NTM: variants seen among roughly 807,000 people sequenced by gnomAD.
NTM encodes IgLON family member 2.
Under a neutral mutation model 42.1 loss-of-function variants are expected in NTM, and 13 were observed. That is an observed-to-expected ratio of 0.31 (90% CI 0.20 to 0.49). The LOEUF (loss-of-function observed/expected upper bound fraction) is 0.49. Among genes scored for constraint, NTM ranks in the 20% least tolerant of loss-of-function variants. NTM has a pLI of 0.99. For missense variants in NTM, 373 were observed against 452.8 expected (o/e 0.82, Z 1.60); for synonymous variants, 187 against 179.2 (o/e 1.04, Z -0.35).
intron 1 of NTM, among the ~76,000 whole-genome samples, chr11:131,371,823 T>C (rs1160600175): frequency 1.3e-5 from 2 of 152,176 alleles, no homozygotes; most frequent in Admixed American, 6.5e-5. Flanking sequence ...TCTTTTATAT[T>C]AAACACAGCT....
rs563127008 is a variant in NTM at position 131,701,054 on chromosome 11, C to T, written c.83-210510C>T. ...CATGTAATATGTTTAGGACAGTGCT[C>T]GGGAAAAAGTAATAAAATATTTCTT... On this transcript the variant is annotated intron_variant, in intron 1 of 8. Coordinates refer to ENST00000683400, the MANE Select transcript of NTM (RefSeq NM_001352005.2). 5.3e-5 allele frequency among the ~76,000 whole-genome samples: 8 copies of T among 152,234 alleles called. No homozygotes were observed. In the East Asian group the frequency reaches 1.2e-3, roughly 22 times the overall value.
chr11:131,540,355 TGG>T (rs1361936745), intron 1 of NTM, among the ~76,000 whole-genome samples: 2 of 151,782 alleles, frequency 1.3e-5, no homozygotes, highest in African/African-American at 4.8e-5. Flanking sequence ...TTAGTAGAGA[TGG>T]GGTTTCACCG....
chr11:131,543,875 CTAAT>C (rs1043031205), intron 1 of NTM, among the ~76,000 whole-genome samples: 4 of 152,262 alleles, frequency 2.6e-5, no homozygotes, highest in African/African-American at 9.6e-5. Flanking sequence ...TTTGCTCATT[CTAAT>C]TAATAACAGT....
chr11:132,328,670 G>T (rs1316049428), intron 7 of NTM, among the ~76,000 whole-genome samples: 2 of 152,106 alleles, frequency 1.3e-5, no homozygotes, highest in Admixed American at 6.5e-5. Context: ...CTTGTGGTTT[G>T]GGGGTAAAAG....
At chr11:131,739,640 T>C (rs1027892387) in intron 1 of NTM, among the ~76,000 whole-genome samples, 5 of 152,170 alleles carry the variant, frequency 3.3e-5, no homozygotes, top group Non-Finnish European at 5.9e-5. Flanking sequence ...TTGTCAGCCA[T>C]AGAGCAACCT....
At chr11:131,794,950 G>C (rs533065880) in intron 1 of NTM, 1 of 985,158 alleles carries the variant, frequency 1.0e-6, no homozygotes, top group Non-Finnish European at 1.2e-6. Context: ...ACCTGAACCC[G>C]CATGTCAGTG....
At chr11:132,061,944 G>A (rs1388148243) in intron 2 of NTM, among the ~76,000 whole-genome samples, 3 of 152,294 alleles carry the variant, frequency 2.0e-5, no homozygotes, top group Middle Eastern at 3.4e-3. Context: ...GTGTGTGTGT[G>A]TGGATCAGAT....
At chr11:132,178,545 G>A (rs571455815) in intron 3 of NTM, among the ~76,000 whole-genome samples, 1 of 152,196 alleles carries the variant, frequency 6.6e-6, no homozygotes, top group African/African-American at 2.4e-5. Flanking sequence ...ATTTATTGGG[G>A]AAATGGTGAA....
intron 1 of NTM, among the ~76,000 whole-genome samples, chr11:131,588,487 T>G (rs538112135): frequency 4.6e-5 from 7 of 152,232 alleles, no homozygotes; most frequent in Non-Finnish European, 1.0e-4. Flanking sequence ...CAAATTTGAA[T>G]TAAGGAATGG....
At chr11:131,504,555 C>T (rs2047249760) in intron 1 of NTM, among the ~76,000 whole-genome samples, 3 of 152,144 alleles carry the variant, frequency 2.0e-5, no homozygotes, top group African/African-American at 7.2e-5. Flanking sequence ...GAGTCCATTT[C>T]ACACAGCGCT....
intron 4 of NTM, among the ~76,000 whole-genome samples, chr11:132,251,409 T>C (rs1436550565): frequency 6.6e-6 from 1 of 152,222 alleles, no homozygotes; most frequent in Non-Finnish European, 1.5e-5. Context: ...AAGAAAGATG[T>C]AAACTGTCTC....
chr11:131,883,744 G>A lies in NTM; in HGVS notation c.83-27820G>A, dbSNP rs545042011. Among the ~76,000 whole-genome samples, 33 of 152,244 alleles carry A rather than the reference G, an allele frequency of 2.2e-4. 1 individual carries two copies. The highest frequency in any genetic ancestry group is 2.1e-3 in the South Asian group (10 of 4,824). The stretch of plus-strand genomic sequence containing the variant: ...TGACAAGCCAGCACCAAAACCAGGC[G>A]TGGTTTCCCTACTCCTTCAAAGGCA... On this transcript the variant is annotated intron_variant, in intron 1 of 8. Transcript: ENST00000683400.
At position 131,624,521 on chromosome 11, in the gene NTM, C is replaced by T. The variant is rs80033227; in HGVS notation, c.82+253633C>T. On this transcript the variant is annotated intron_variant, in intron 1 of 8. Coordinates refer to ENST00000683400, the MANE Select transcript of NTM (RefSeq NM_001352005.2). ...TCTTCCCAGTGGCTCCCACCCAGAG[C>T]TCATCCTGCTACAAGTTCTGAGCCA... Among the ~76,000 whole-genome samples, 659 of 152,322 alleles carry T rather than the reference C, an allele frequency of 4.3e-3. 7 individuals are homozygous for T. Among genetic ancestry groups the T allele is most frequent in the African/African-American group, 0.015 (603 of 41,570 alleles).
At chr11:131,610,355 G>A (rs1192284250) in intron 1 of NTM, among the ~76,000 whole-genome samples, 3 of 152,220 alleles carry the variant, frequency 2.0e-5, no homozygotes, top group Admixed American at 6.5e-5. Context: ...AGAAGAGGAA[G>A]AAAGAAACCC....
chr11:131,401,860 A>ATATATATATATATTTT (rs1350900091), intron 1 of NTM, among the ~76,000 whole-genome samples: 1 of 107,706 alleles, frequency 9.3e-6, no homozygotes, highest in African/African-American at 3.3e-5. Flanking sequence ...ATATATATAT[A>ATATATATATATATTTT]TTTTAATTTA....
chr11:132,260,847 G>T (rs2092804982), intron 4 of NTM, among the ~76,000 whole-genome samples: 2 of 152,162 alleles, frequency 1.3e-5, no homozygotes, highest in South Asian at 4.1e-4. Context: ...AACCCATTAA[G>T]TCATGAGCCT....
chr11:132,225,268 T>C (rs550271703), intron 4 of NTM, among the ~76,000 whole-genome samples: 7 of 151,592 alleles, frequency 4.6e-5, no homozygotes, highest in East Asian at 3.9e-4. Flanking sequence ...TAAATAAATA[T>C]GCAACCCAAT....
chr11:131,940,281 G>T (rs918217835), intron 2 of NTM, among the ~76,000 whole-genome samples: 1 of 152,116 alleles, frequency 6.6e-6, no homozygotes, highest in African/African-American at 2.4e-5. Context: ...ACAGTTCCAC[G>T]ACTAAATAAT....
rs1485337603 is a variant in NTM, at chr11:132,003,298, T to C, written c.167+91650T>C. Reference sequence around the variant, plus strand: ...AGGTTATTTGTTGCCCAGGTTGGAGTGCAGTGACGCAATCACAGCTTACTG... The same window carrying C: ...AGGTTATTTGTTGCCCAGGTTGGAGCGCAGTGACGCAATCACAGCTTACTG... On this transcript the variant is annotated intron_variant, in intron 2 of 8. Transcript: ENST00000683400. The surrounding 1 kb of genome is among the most constrained non-coding windows in gnomAD (Gnocchi z 6.0). Among the ~76,000 whole-genome samples the C allele has an allele frequency of 6.6e-6, 1 of 151,366 alleles. No individual in the cohort carries two copies. The highest frequency in any genetic ancestry group is 1.5e-5 in the Non-Finnish European group (1 of 67,896).
Sources: gnomAD v4.1 joint callset for allele counts (sites outside exome capture counted in the v4.1 genomes callset) on GRCh38, gnomAD v4.1.1 for gene constraint, Gnocchi (gnomAD v3.1) non-coding constraint, MANE v1.5 for transcripts, NCBI Gene and HGNC (gene_info 2026-07-23, HGNC 2026-07-21) for gene names.